PLEKHA2: variants seen among roughly 807,000 people sequenced by gnomAD.
PLEKHA2 encodes the protein pleckstrin homology domain-containing family A member 2.
PLEKHA2 carries 28 observed loss-of-function variants against 53.2 expected under a neutral mutation model. That is an observed-to-expected ratio of 0.53 (90% CI 0.39 to 0.72). The LOEUF (loss-of-function observed/expected upper bound fraction) is 0.72. Among genes scored for constraint, PLEKHA2 ranks in the 30% least tolerant of loss-of-function variants. PLEKHA2 has a pLI of 0.00. For synonymous variants in PLEKHA2, 193 were observed against 196.4 expected (o/e 0.98, Z 0.14); for missense variants, 426 against 537.9 (o/e 0.79, Z 2.06).
At chr8:38,919,356 C>A (rs1245074239) in intron 2 of PLEKHA2, among the ~76,000 whole-genome samples, 1 of 152,198 alleles carries the variant, frequency 6.6e-6, no homozygotes, top group East Asian at 1.9e-4. Flanking sequence ...GATTTGGGAT[C>A]TCAAGGCTTT....
rs527475021 is a variant in PLEKHA2, at chr8:38,920,896, G to C, written c.141+2826G>C. Among the ~76,000 whole-genome samples the C allele has an allele frequency of 1.1e-3, 163 of 152,018 alleles. 1 individual carries two copies. The highest frequency in any genetic ancestry group is 0.01 in the Admixed American group (153 of 15,278). On this transcript the variant is annotated intron_variant, in intron 2 of 11. Coordinates refer to ENST00000617275, the MANE Select transcript of PLEKHA2 (RefSeq NM_021623.2). ...GCTCACTGCAACCTCTGCCTCCCGG[G>C]TTCAAGCGATTCTCCTGTCTCAGCC...
chr8:38,919,706 G>A (rs1003016439), intron 2 of PLEKHA2, among the ~76,000 whole-genome samples: 4 of 152,280 alleles, frequency 2.6e-5, no homozygotes, highest in South Asian at 4.1e-4. Context: ...GCATAGATGC[G>A]GAAAACATAC....
chr8:38,935,382 A>T (rs1834474703), intron 2 of PLEKHA2, among the ~76,000 whole-genome samples: 1 of 152,094 alleles, frequency 6.6e-6, no homozygotes, highest in South Asian at 2.1e-4. Flanking sequence ...TACAGAAGGA[A>T]AAACTAAGGA....
At chr8:38,948,227 A>G (rs578241782) in intron 5 of PLEKHA2, among the ~76,000 whole-genome samples, 1 of 152,318 alleles carries the variant, frequency 6.6e-6, no homozygotes, top group Admixed American at 6.5e-5. Context: ...ATCCCTAAAA[A>G]TGTGGTTACA....
At chr8:38,919,986 T>G (rs931279854) in intron 2 of PLEKHA2, among the ~76,000 whole-genome samples, 1 of 152,156 alleles carries the variant, frequency 6.6e-6, no homozygotes, top group East Asian at 1.9e-4. Flanking sequence ...CTCTCTTTTT[T>G]TTTGAGACAG....
At chr8:38,954,079 A>G (rs911245409) in intron 9 of PLEKHA2, among the ~76,000 whole-genome samples, 2 of 152,174 alleles carry the variant, frequency 1.3e-5, no homozygotes, top group Admixed American at 1.3e-4. Flanking sequence ...ACCAATCTGC[A>G]GTCTTTAGAG....
chr8:38,928,236 CTTTTTT>C (rs11414317), intron 2 of PLEKHA2, among the ~76,000 whole-genome samples: 2 of 110,130 alleles, frequency 1.8e-5, no homozygotes, highest in Non-Finnish European at 3.5e-5. Context: ...CTGACCTGGT[CTTTTTT>C]TTTTTTTTTT....
chr8:38,944,466 G>A (rs1834670172), intron 4 of PLEKHA2, among the ~76,000 whole-genome samples: 1 of 151,290 alleles, frequency 6.6e-6, no homozygotes, highest in African/African-American at 2.4e-5. Flanking sequence ...GCAGTGAGCT[G>A]ATTTCAGGCC....
intron 9 of PLEKHA2, among the ~76,000 whole-genome samples, chr8:38,954,176 T>C (rs565613374): frequency 6.6e-6 from 1 of 152,306 alleles, no homozygotes; most frequent in African/African-American, 2.4e-5. Flanking sequence ...GCAGGCCGAC[T>C]CTTCTCCCAT....
In PLEKHA2 at chr8:38,971,037, C is replaced by G. The variant is rs570740985; in HGVS notation, c.*1254C>G. ...AAAAATTAGTAACTAGAGGAAGAGA[C>G]TAAGAGAACTATTTTTACCTGAGTA... On this transcript the variant is annotated 3_prime_UTR_variant, in exon 12 of 12. Coordinates refer to ENST00000617275, the MANE Select transcript of PLEKHA2 (RefSeq NM_021623.2). 6.6e-5 allele frequency: 10 copies of G among 152,320 alleles called. No homozygotes were observed. The highest frequency in any genetic ancestry group is 2.2e-4 in the African/African-American group (9 of 41,564). The allele number at this position is 152,320 out of a possible 1,614,324, so 9.4% of individuals were successfully genotyped here. A position where few individuals can be genotyped will look rare whatever the true frequency, so the allele number is the denominator to read the frequency against.
chr8:38,934,326 G>A (rs1375945917), intron 2 of PLEKHA2, among the ~76,000 whole-genome samples: 1 of 152,090 alleles, frequency 6.6e-6, no homozygotes, highest in Middle Eastern at 3.2e-3. Flanking sequence ...TCTCCTGATA[G>A]ATCATTTCAC....
chr8:38,955,313 T>C lies in PLEKHA2; in HGVS notation c.773+1946T>C, dbSNP rs149569736. Among the ~76,000 whole-genome samples, 376 of 152,332 alleles carry C rather than the reference T, an allele frequency of 2.5e-3. 3 individuals are homozygous for C. Among genetic ancestry groups the C allele is most frequent in the African/African-American group, 8.6e-3 (357 of 41,580 alleles). On this transcript the variant is annotated intron_variant, in intron 9 of 11. Transcript: ENST00000617275. ...GTTGTTTATGTGACTTTACTGGCTA[T>C]GCATGAGTAGAATTTGAAAGGCTAA...
intron 9 of PLEKHA2, among the ~76,000 whole-genome samples, chr8:38,954,878 C>CA (rs1338657209): frequency 1.3e-5 from 2 of 151,750 alleles, no homozygotes; most frequent in Non-Finnish European, 2.9e-5. Flanking sequence ...ACTAAAAATA[C>CA]AAAAAATTAG....
chr8:38,909,245 A>G (rs1326084329), intron 1 of PLEKHA2, among the ~76,000 whole-genome samples: 1 of 152,082 alleles, frequency 6.6e-6, no homozygotes, highest in Non-Finnish European at 1.5e-5. Context: ...TTTTACTTTA[A>G]TCTTTCTTTG....
At chr8:38,951,805 G>T (rs1834848972) in intron 6 of PLEKHA2, among the ~76,000 whole-genome samples, 1 of 152,126 alleles carries the variant, frequency 6.6e-6, no homozygotes, top group African/African-American at 2.4e-5. Context: ...CTCCTGGGCT[G>T]AAGCCATCCT....
At chr8:38,962,518 T>C (rs1036741353) in intron 10 of PLEKHA2, among the ~76,000 whole-genome samples, 1 of 152,102 alleles carries the variant, frequency 6.6e-6, no homozygotes, top group East Asian at 1.9e-4. Flanking sequence ...AATAACCAGG[T>C]ATCTAAGCAG....
intron 1 of PLEKHA2, among the ~76,000 whole-genome samples, chr8:38,908,556 A>T (rs10110562): frequency 6.6e-6 from 1 of 152,120 alleles, no homozygotes; most frequent in African/African-American, 2.4e-5. Context: ...ATAAAGTAAC[A>T]CATGCTCCCT....
At position 38,936,015 on chromosome 8, in the gene PLEKHA2, G is replaced by A; in HGVS notation, c.163G>A (p.Ala55Thr). ...NPQNLAMGAG[A>T]VGALQLTYIS... ...TCAGAATCTGGCAATGGGGGCAGGA[G>A]CTGTTGGAGCTTTGCAGCTGACCTA... is the stretch of plus-strand genomic sequence containing the variant. The change falls in exon 3 of 12, where the codon GCT becomes ACT. Residue 55 changes from alanine (A) to threonine (T), a missense_variant. By Grantham distance (58) the Ala-to-Thr change is moderately conservative. Coordinates refer to ENST00000617275, the MANE Select transcript of PLEKHA2 (RefSeq NM_021623.2). The A allele has an allele frequency of 1.2e-6, 2 of 1,613,654 alleles. No homozygotes were observed. The highest frequency in any genetic ancestry group is 1.7e-6 in the Non-Finnish European group (2 of 1,179,606).
Position 38,952,656 on chromosome 8 carries a change from C to T in PLEKHA2, c.654C>T (p.Arg218=). Residue 218 remains arginine (R), a synonymous_variant, in exon 8 of 12, where the codon CGC becomes CGT. Coordinates refer to ENST00000617275, the MANE Select transcript of PLEKHA2 (RefSeq NM_021623.2). ...TACAGCGGAAGAGCTGGAAACGTCG[C>T]TTCTTTGCACTTGATGACTTTACCA... ...QGNVRKSWKR[R]FFALDDFTIC... 1 of 1,610,716 alleles carries T rather than the reference C, an allele frequency of 6.2e-7. No individual in the cohort carries two copies. Among genetic ancestry groups the T allele is most frequent in the Non-Finnish European group, 8.5e-7 (1 of 1,179,848 alleles).
Sources: allele counts gnomAD v4.1 joint callset (sites outside exome capture counted in the v4.1 genomes callset), GRCh38; gene constraint gnomAD v4.1.1; transcripts MANE v1.5; gene names NCBI Gene and HGNC (gene_info 2026-07-23, HGNC 2026-07-21).